The following SPMIP2 variants were observed in gnomAD, a reference collection of about 807,000 sequenced individuals.
SPMIP2 encodes the protein protein SPMIP2.
At chr4:159,013,352 T>A in the SPMIP2 span, among the ~76,000 whole-genome samples, 3 of 152,226 alleles carry the variant, frequency 2.0e-5, no homozygotes, top group Admixed American at 6.5e-5. Flanking sequence ...TGTATACATA[T>A]GTATCAGTTC....
At chr4:159,045,076 G>A in the SPMIP2 span, among the ~76,000 whole-genome samples, 3 of 151,500 alleles carry the variant, frequency 2.0e-5, no homozygotes, top group Admixed American at 1.3e-4. Flanking sequence ...GGGCAACAGA[G>A]TGAGACTCTG....
the SPMIP2 span, among the ~76,000 whole-genome samples, chr4:158,896,560 T>A: frequency 6.6e-6 from 1 of 152,206 alleles, no homozygotes; most frequent in Non-Finnish European, 1.5e-5. Context: ...AGAAAATATT[T>A]ATAATGTCGA....
the SPMIP2 span, among the ~76,000 whole-genome samples, chr4:159,065,097 C>G: frequency 6.6e-6 from 1 of 152,218 alleles, no homozygotes; most frequent in African/African-American, 2.4e-5. Context: ...TTCACATAAA[C>G]TTACTCACAT....
At chr4:158,985,694 G>T in the SPMIP2 span, among the ~76,000 whole-genome samples, 1 of 149,112 alleles carries the variant, frequency 6.7e-6, no homozygotes, top group Non-Finnish European at 1.5e-5. Flanking sequence ...ATGGGCAAAA[G>T]CTGGAAGCAT....
the SPMIP2 span, chr4:159,007,879 G>A: frequency 6.1e-6 from 3 of 489,418 alleles, no homozygotes; most frequent in South Asian, 4.6e-5. Flanking sequence ...TGTTGTGTGT[G>A]GGAAAAAAAA....
At chr4:158,983,999 T>A in the SPMIP2 span, among the ~76,000 whole-genome samples, 2 of 106,388 alleles carry the variant, frequency 1.9e-5, no homozygotes, top group East Asian at 2.8e-4. Flanking sequence ...GCAATCCTAG[T>A]CTCTGATAAA....
the SPMIP2 span, among the ~76,000 whole-genome samples, chr4:159,061,650 A>C: frequency 6.6e-6 from 1 of 152,108 alleles, no homozygotes; most frequent in Admixed American, 6.6e-5. Context: ...TGTACTAAAA[A>C]TACAAAAAAA....
the SPMIP2 span, among the ~76,000 whole-genome samples, chr4:158,998,399 T>C: frequency 6.6e-6 from 1 of 152,338 alleles, no homozygotes; most frequent in Admixed American, 6.5e-5. Flanking sequence ...AATTAATTGA[T>C]TACATAACTG....
the SPMIP2 span, among the ~76,000 whole-genome samples, chr4:158,922,915 TTA>T: frequency 4.6e-5 from 7 of 152,238 alleles, no homozygotes; most frequent in Non-Finnish European, 7.3e-5. Flanking sequence ...TCATTCCTTT[TTA>T]TGACCAAATA....
chr4:158,991,037 C>T, the SPMIP2 span, among the ~76,000 whole-genome samples: 1 of 152,136 alleles, frequency 6.6e-6, no homozygotes, highest in African/African-American at 2.4e-5. Flanking sequence ...CTCAACCTCC[C>T]AAGTAGCTGG....
At chr4:158,970,459 G>C in the SPMIP2 span, among the ~76,000 whole-genome samples, 1 of 152,096 alleles carries the variant, frequency 6.6e-6, no homozygotes, top group Non-Finnish European at 1.5e-5. Flanking sequence ...AGGATTGCTT[G>C]AGCCCAGGAG....
the SPMIP2 span, among the ~76,000 whole-genome samples, chr4:158,929,399 T>C: frequency 1.9e-4 from 29 of 152,370 alleles, no homozygotes; most frequent in African/African-American, 6.7e-4. Flanking sequence ...GATTTATGTC[T>C]GTTATTTTGC....
At chr4:159,053,482 A>T in the SPMIP2 span, among the ~76,000 whole-genome samples, 1 of 152,108 alleles carries the variant, frequency 6.6e-6, no homozygotes, top group African/African-American at 2.4e-5. Flanking sequence ...CTAGCCATGA[A>T]CCCCACACCT....
At chr4:158,927,786 C>T in the SPMIP2 span, among the ~76,000 whole-genome samples, 12 of 152,362 alleles carry the variant, frequency 7.9e-5, no homozygotes, top group African/African-American at 2.9e-4. Context: ...TGGTGGGCCC[C>T]GCACTCGGAG....
the SPMIP2 span, chr4:158,973,258 C>T: frequency 1.2e-6 from 2 of 1,613,818 alleles, no homozygotes. Context: ...TGTTCTCCTA[C>T]ATAGGAGGTG....
chr4:158,905,875 G>A, the SPMIP2 span: 1 of 152,160 alleles, frequency 6.6e-6, no homozygotes, highest in Admixed American at 6.5e-5. Context: ...CAGATCTCAA[G>A]CAGTTAACCA....
the SPMIP2 span, among the ~76,000 whole-genome samples, chr4:159,006,296 G>A: frequency 6.6e-6 from 1 of 152,316 alleles, no homozygotes; most frequent in African/African-American, 2.4e-5. Context: ...GAGTCAGACA[G>A]AAGCAGTATA....
At chr4:159,053,709 G>T in the SPMIP2 span, among the ~76,000 whole-genome samples, 1 of 151,830 alleles carries the variant, frequency 6.6e-6, no homozygotes, top group Non-Finnish European at 1.5e-5. Flanking sequence ...GGTTGGCAGA[G>T]ATTTCCCTTC....
At chr4:159,017,104 A>C in the SPMIP2 span, among the ~76,000 whole-genome samples, 2 of 152,184 alleles carry the variant, frequency 1.3e-5, no homozygotes, top group Non-Finnish European at 2.9e-5. Context: ...GTAGTAGTAG[A>C]GAAATGTTAG....
Sources: gnomAD v4.1 joint callset for allele counts (sites outside exome capture counted in the v4.1 genomes callset) on GRCh38, gnomAD v4.1.1 for gene constraint, MANE v1.5 for transcripts, NCBI Gene and HGNC (gene_info 2026-07-23, HGNC 2026-07-21) for gene names.